Variants in CPNE9 observed in about 807,000 individuals in gnomAD.
CPNE9 encodes the protein copine-9.
Under a neutral mutation model 83.0 loss-of-function variants are expected in CPNE9, and 59 were observed. That is an observed-to-expected ratio of 0.71 (90% confidence interval 0.58 to 0.88). The LOEUF (loss-of-function observed/expected upper bound fraction) is 0.88. CPNE9 is among the 40% of genes least tolerant of loss of function. The pLI is 0.00. For synonymous variants in CPNE9, 256 were observed against 273.4 expected (o/e 0.94, Z 0.63); for missense variants, 619 against 720.8 (o/e 0.86, Z 1.62).
intron 7 of CPNE9, among the ~76,000 whole-genome samples, chr3:9,707,993 C>T (rs778122644): frequency 2.3e-4 from 35 of 152,236 alleles, no homozygotes; most frequent in African/African-American, 3.6e-4. Context: ...GGCTGGAGCG[C>T]GATGGTGCAA....
At chr3:9,706,837 G>A (rs1464843281) in intron 7 of CPNE9, among the ~76,000 whole-genome samples, 1 of 152,196 alleles carries the variant, frequency 6.6e-6, no homozygotes, top group African/African-American at 2.4e-5. Context: ...AGGCAGAGGA[G>A]ACTGCCAGTG....
chr3:9,704,468 C>A lies in CPNE9; in HGVS notation c.69-119C>A. On this transcript the variant is annotated intron_variant, in intron 1 of 20. Coordinates refer to ENST00000383832, the MANE Select transcript of CPNE9 (RefSeq NM_153635.3). This position sits in a 1 kb window ranked among gnomAD's most constrained non-coding sequence, Gnocchi z 7.1. ...AGAGCGGACCCCGGCTGGGGGTAGC[C>A]ATGGGGGACAGAGGTTCGATGCGGG... The A allele has an allele frequency of 1.1e-6, 1 of 874,092 alleles. No individual in the cohort carries two copies. Among genetic ancestry groups the A allele is most frequent in the Non-Finnish European group, 2.0e-6 (1 of 507,382 alleles). 54.1% of individuals were successfully genotyped at this position (874,092 alleles called of 1,614,324 possible). A position where few individuals can be genotyped will look rare whatever the true frequency, so the allele number is the denominator to read the frequency against.
chr3:9,725,582 ATG>A (rs1307941400), intron 17 of CPNE9, among the ~76,000 whole-genome samples: 17 of 148,834 alleles, frequency 1.1e-4, no homozygotes, highest in African/African-American at 3.0e-4. Flanking sequence ...ATATATATAT[ATG>A]TGTATATATA....
chr3:9,712,905 G>C, intron 9 of CPNE9, 70 bp from the exon 10 acceptor site: 2 of 1,569,404 alleles, frequency 1.3e-6, no homozygotes, highest in African/African-American at 2.7e-5. Flanking sequence ...AGGAATCTCT[G>C]AGAGCATCTG....
chr3:9,704,905 G>C lies in CPNE9; in HGVS notation c.171G>C (p.Glu57Asp). 3 of 1,613,366 alleles carry C rather than the reference G, an allele frequency of 1.9e-6. No individual in the cohort carries two copies. Among genetic ancestry groups the C allele is most frequent in the Non-Finnish European group, 2.5e-6 (3 of 1,179,860 alleles). ...CCCCTACCCAGTTCGGACGGACCGA[G>C]GTGATTGATAACACGCTGAACCCAG... is the stretch of plus-strand genomic sequence containing the variant. ...SQEWREFGRT[E>D]VIDNTLNPDF... Residue 57 changes from glutamate (E) to aspartate (D), a missense_variant, in exon 4 of 21, where the codon GAG becomes GAC. Coordinates refer to ENST00000383832, the MANE Select transcript of CPNE9 (RefSeq NM_153635.3). This position sits in a 1 kb window ranked among gnomAD's most constrained non-coding sequence, Gnocchi z 7.1.
chr3:9,718,233 C>A, intron 16 of CPNE9, 23 bp downstream of exon 16: 2 of 1,575,498 alleles, frequency 1.3e-6, no homozygotes, highest in Non-Finnish European at 8.6e-7. Flanking sequence ...CCAGAGCTTA[C>A]CCTCCGTGCC....
At chr3:9,705,419 T>TACGGCC in intron 4 of CPNE9, 45 bp from the exon 5 acceptor site, 1 of 662,642 alleles carries the variant, frequency 1.5e-6, no homozygotes, top group Non-Finnish European at 2.7e-6. Flanking sequence ...TTCCACCCTC[T>TACGGCC]CCCCCACCCA....
chr3:9,721,019 T>C (rs1237706012), intron 17 of CPNE9, among the ~76,000 whole-genome samples: 1 of 152,238 alleles, frequency 6.6e-6, no homozygotes, highest in Admixed American at 6.5e-5. Context: ...CCTAGAACAG[T>C]GCCTGCCACA....
intron 20 of CPNE9, chr3:9,727,489 C>A: frequency 1.4e-6 from 1 of 702,070 alleles, no homozygotes. Context: ...AGAGGAATAG[C>A]AAATGCCACT....
At chr3:9,709,860 C>T (rs1020608394) in intron 7 of CPNE9, among the ~76,000 whole-genome samples, 3 of 151,604 alleles carry the variant, frequency 2.0e-5, no homozygotes, top group South Asian at 2.1e-4. Flanking sequence ...CATGGTGGAG[C>T]GTGCCTGTAA....
chr3:9,727,344 C>A, intron 20 of CPNE9, 158 bp downstream of exon 20: 1 of 882,976 alleles, frequency 1.1e-6, no homozygotes, highest in Non-Finnish European at 1.9e-6. Context: ...TTTTGACAAA[C>A]AGGAAGGTTG....
intron 7 of CPNE9, among the ~76,000 whole-genome samples, chr3:9,709,795 G>T (rs1050411794): frequency 2.0e-5 from 3 of 151,670 alleles, no homozygotes; most frequent in Non-Finnish European, 4.4e-5. Flanking sequence ...TTCAAGACCA[G>T]CCTGGCCAAC....
chr3:9,706,240 C>T (rs1033109204), intron 7 of CPNE9, among the ~76,000 whole-genome samples, 177 bp downstream of exon 7: 8 of 151,968 alleles, frequency 5.3e-5, no homozygotes, highest in Admixed American at 4.6e-4. Context: ...GAGTCAGTAT[C>T]AGGCCTGATA....
chr3:9,710,802 AT>A (rs2076619384), intron 7 of CPNE9, among the ~76,000 whole-genome samples: 1 of 152,202 alleles, frequency 6.6e-6, no homozygotes, highest in Non-Finnish European at 1.5e-5. Context: ...AGGCAGGAGG[AT>A]CTCTTGAGGC....
chr3:9,709,712 C>T (rs2076606453), intron 7 of CPNE9, among the ~76,000 whole-genome samples: 1 of 151,928 alleles, frequency 6.6e-6, no homozygotes, highest in Non-Finnish European at 1.5e-5. Flanking sequence ...GTGGCTCACA[C>T]CTGTAATCCG....
chr3:9,714,081 A>AATAC (rs1219669317), intron 10 of CPNE9, among the ~76,000 whole-genome samples: 4 of 151,950 alleles, frequency 2.6e-5, no homozygotes, highest in Non-Finnish European at 5.9e-5. Context: ...TCAATAAATA[A>AATAC]ATAAATAAAT....
intron 7 of CPNE9, among the ~76,000 whole-genome samples, chr3:9,709,563 T>C (rs1264318477): frequency 6.7e-6 from 1 of 149,800 alleles, no homozygotes; most frequent in African/African-American, 2.4e-5. Flanking sequence ...AGAGACGGGG[T>C]TTCGCCACCG....
intron 14 of CPNE9, among the ~76,000 whole-genome samples, chr3:9,716,293 G>A (rs1316971210): frequency 6.6e-6 from 1 of 152,100 alleles, no homozygotes; most frequent in Admixed American, 6.5e-5. Flanking sequence ...CTTCACTGGT[G>A]GCCCCAGTAA....
intron 5 of CPNE9, 59 bp downstream of exon 5, chr3:9,705,559 A>G (rs1249053541): frequency 6.3e-7 from 1 of 1,589,306 alleles, no homozygotes; most frequent in Non-Finnish European, 8.6e-7. Context: ...AGATGTGTTC[A>G]ACGACTCTCA....
Sources: allele counts gnomAD v4.1 joint callset (sites outside exome capture counted in the v4.1 genomes callset), GRCh38; gene constraint gnomAD v4.1.1; non-coding constraint Gnocchi (gnomAD v3.1); transcripts MANE v1.5; gene names NCBI Gene and HGNC (gene_info 2026-07-23, HGNC 2026-07-21).